The following LCLAT1 variants were observed in gnomAD, a reference collection of about 807,000 sequenced individuals.
LCLAT1 encodes the protein 1-AGP acyltransferase 8.
LCLAT1 carries 11 observed loss-of-function variants against 30.7 expected under a neutral mutation model. The ratio of observed to expected loss-of-function variants is 0.36; its 90% CI spans 0.23 to 0.59. LCLAT1 has a LOEUF of 0.59. Among genes scored for constraint, LCLAT1 ranks in the 20% least tolerant of loss-of-function variants. The pLI is 0.77. For missense variants in LCLAT1, 402 were observed against 458.6 expected (o/e 0.88, Z 1.13); for synonymous variants, 155 against 151.3 (o/e 1.02, Z -0.18).
intron 1 of LCLAT1, among the ~76,000 whole-genome samples, chr2:30,487,723 A>C (rs1033301057): frequency 1.3e-5 from 2 of 152,152 alleles, no homozygotes; most frequent in African/African-American, 4.8e-5. Context: ...CTGGTGTTGT[A>C]ATTTAAGTTG....
intron 1 of LCLAT1, among the ~76,000 whole-genome samples, chr2:30,505,963 G>C (rs1448600191): frequency 6.6e-6 from 1 of 152,192 alleles, no homozygotes; most frequent in East Asian, 1.9e-4. Flanking sequence ...TCTGGTTTAA[G>C]AACTCTCAGA....
intron 1 of LCLAT1, among the ~76,000 whole-genome samples, chr2:30,495,732 G>A (rs1684077037): frequency 6.6e-6 from 1 of 152,142 alleles, no homozygotes; most frequent in African/African-American, 2.4e-5. Flanking sequence ...CACAGGTGTG[G>A]TTGTTAGTAG....
intron 1 of LCLAT1, among the ~76,000 whole-genome samples, chr2:30,492,290 G>T (rs1188777044): frequency 6.6e-6 from 1 of 152,186 alleles, no homozygotes; most frequent in East Asian, 1.9e-4. Context: ...TTTCTGAACT[G>T]ATAGTTTGGG....
At chr2:30,553,544 G>A (rs1302849035) in intron 3 of LCLAT1, among the ~76,000 whole-genome samples, 3 of 152,186 alleles carry the variant, frequency 2.0e-5, no homozygotes, top group Non-Finnish European at 2.9e-5. Flanking sequence ...TGCCGGGCGC[G>A]GTGGCTCACG....
intron 1 of LCLAT1, among the ~76,000 whole-genome samples, chr2:30,455,510 G>A (rs1681788039): frequency 6.6e-6 from 1 of 152,148 alleles, no homozygotes; most frequent in South Asian, 2.1e-4. Context: ...CTAGCTTCTG[G>A]TGGCTGATGG....
intron 1 of LCLAT1, among the ~76,000 whole-genome samples, chr2:30,516,269 A>C (rs867498745): frequency 3.9e-5 from 6 of 151,944 alleles, no homozygotes; most frequent in South Asian, 2.1e-4. Flanking sequence ...AAATCTTGCA[A>C]CTGCACACTC....
At chr2:30,504,132 A>G (rs916289373) in intron 1 of LCLAT1, among the ~76,000 whole-genome samples, 7 of 151,980 alleles carry the variant, frequency 4.6e-5, no homozygotes, top group African/African-American at 1.7e-4. Context: ...AAACACATAT[A>G]TTACACATAT....
chr2:30,512,881 C>T (rs1207845823), intron 1 of LCLAT1, among the ~76,000 whole-genome samples: 1 of 152,116 alleles, frequency 6.6e-6, no homozygotes, highest in Non-Finnish European at 1.5e-5. Flanking sequence ...ATTATACTTA[C>T]ATGAACAATG....
intron 3 of LCLAT1, among the ~76,000 whole-genome samples, chr2:30,549,313 G>A (rs1176598043): frequency 2.0e-5 from 3 of 152,088 alleles, no homozygotes; most frequent in African/African-American, 7.2e-5. Context: ...TTTACATTGC[G>A]TTAGGCTGCT....
chr2:30,574,057 G>A (rs112167949), intron 5 of LCLAT1, among the ~76,000 whole-genome samples: 4,052 of 151,944 alleles, frequency 0.027, 175 homozygotes, highest in African/African-American at 0.091. Context: ...CACGGGAATC[G>A]CTTGAACCTG....
At chr2:30,469,469 G>T (rs1682657294) in intron 1 of LCLAT1, among the ~76,000 whole-genome samples, 1 of 150,966 alleles carries the variant, frequency 6.6e-6, no homozygotes, top group African/African-American at 2.4e-5. Flanking sequence ...TACAGATATT[G>T]TTCTCTCTCC....
intron 2 of LCLAT1, among the ~76,000 whole-genome samples, chr2:30,529,569 T>C (rs1558499430): frequency 1.3e-5 from 2 of 152,186 alleles, no homozygotes; most frequent in African/African-American, 2.4e-5. Flanking sequence ...TAACCGACAG[T>C]CTGATTACTA....
At chr2:30,618,819 G>C (rs1456187790) in intron 5 of LCLAT1, among the ~76,000 whole-genome samples, 1 of 152,142 alleles carries the variant, frequency 6.6e-6, no homozygotes, top group Non-Finnish European at 1.5e-5. Context: ...ACCAGTTCTA[G>C]TAGTTTTGTA....
chr2:30,578,063 T>G (rs1666069106), intron 5 of LCLAT1, among the ~76,000 whole-genome samples: 1 of 152,114 alleles, frequency 6.6e-6, no homozygotes, highest in Admixed American at 6.6e-5. Flanking sequence ...TGTGAGAAAT[T>G]TATGTAGATA....
chr2:30,587,557 A>G (rs892321904), intron 5 of LCLAT1, among the ~76,000 whole-genome samples: 10 of 152,224 alleles, frequency 6.6e-5, no homozygotes, highest in Admixed American at 3.3e-4. Context: ...AAGTCTGACA[A>G]GTCCTCTTGT....
chr2:30,573,107 A>G (rs1482283885), intron 5 of LCLAT1, among the ~76,000 whole-genome samples: 1 of 152,218 alleles, frequency 6.6e-6, no homozygotes, highest in African/African-American at 2.4e-5. Flanking sequence ...TAAAAATTGG[A>G]AAATTAATAA....
At chr2:30,498,791 C>T (rs1348827892) in intron 1 of LCLAT1, among the ~76,000 whole-genome samples, 1 of 152,086 alleles carries the variant, frequency 6.6e-6, no homozygotes, top group Non-Finnish European at 1.5e-5. Flanking sequence ...TCTTTTGTTC[C>T]ATGTCTTTTA....
chr2:30,632,531 T>A (rs1053892463), intron 5 of LCLAT1, among the ~76,000 whole-genome samples: 3 of 152,300 alleles, frequency 2.0e-5, no homozygotes, highest in African/African-American at 7.2e-5. Flanking sequence ...TATAACAGAC[T>A]TCATCTCTCT....
intron 1 of LCLAT1, among the ~76,000 whole-genome samples, chr2:30,506,091 CCTG>C (rs1684645622): frequency 1.3e-5 from 2 of 152,090 alleles, no homozygotes; most frequent in Non-Finnish European, 2.9e-5. Context: ...CTTTAACTGT[CCTG>C]TTGTGTTTGC....
Sources: gnomAD v4.1 joint callset for allele counts (sites outside exome capture counted in the v4.1 genomes callset) on GRCh38, gnomAD v4.1.1 for gene constraint, MANE v1.5 for transcripts, NCBI Gene and HGNC (gene_info 2026-07-23, HGNC 2026-07-21) for gene names.